DOCK8: variants seen among roughly 807,000 people sequenced by gnomAD.
DOCK8 encodes dedicator of cytokinesis protein 8.
DOCK8 carries 141 observed loss-of-function variants against 245.6 expected under a neutral mutation model. That is an observed-to-expected ratio of 0.57 (90% CI 0.50 to 0.66). The LOEUF is 0.66. Ranked by LOEUF, DOCK8 falls within the 30% of genes least tolerant of loss-of-function variation. The pLI, the probability that DOCK8 is intolerant of heterozygous loss-of-function variation, is 0.00. For missense variants in DOCK8, 2,965 were observed against 2,603.4 expected (o/e 1.14, Z -3.02); for synonymous variants, 1,168 against 970.2 (o/e 1.20, Z -3.79).
chr9:391,789 T>G (rs925047899), intron 24 of DOCK8, among the ~76,000 whole-genome samples: 2 of 151,404 alleles, frequency 1.3e-5, no homozygotes, highest in Non-Finnish European at 2.9e-5. Flanking sequence ...TTTATATTCA[T>G]TGGGTTCTTT....
intron 44 of DOCK8, among the ~76,000 whole-genome samples, chr9:447,611 T>C (rs1358742225): frequency 6.6e-6 from 1 of 152,226 alleles, no homozygotes; most frequent in African/African-American, 2.4e-5. Flanking sequence ...TTTGGCTTGG[T>C]TTTCATAGAA....
chr9:393,085 CAAAAAAAAAAAA>C (rs1159933739), intron 24 of DOCK8, among the ~76,000 whole-genome samples: 19 of 44,748 alleles, frequency 4.2e-4, no homozygotes, highest in East Asian at 3.1e-3. Context: ...GACCCTGTCT[CAAAAAAAAAAAA>C]AAAAAAAAAA....
At chr9:448,577 G>A (rs994200583) in intron 44 of DOCK8, among the ~76,000 whole-genome samples, 1 of 152,162 alleles carries the variant, frequency 6.6e-6, no homozygotes, top group Non-Finnish European at 1.5e-5. Flanking sequence ...CAGCACTGTT[G>A]GTGCCTTCTG....
At chr9:399,096 C>T (rs774772340) in intron 25 of DOCK8, 50 bp from the exon 26 acceptor site, 1 of 1,565,290 alleles carries the variant, frequency 6.4e-7, no homozygotes, top group African/African-American at 1.4e-5. Context: ...CCTGGAAGTT[C>T]AAATCCAGAG....
chr9:462,660 A>T (rs1469714697), intron 46 of DOCK8, among the ~76,000 whole-genome samples: 1 of 152,190 alleles, frequency 6.6e-6, no homozygotes, highest in African/African-American at 2.4e-5. Context: ...AGCTCCTGTG[A>T]TCATTCTAGC....
chr9:441,903 T>A lies in DOCK8; in HGVS notation c.5384T>A (p.Phe1795Tyr). The A allele has an allele frequency of 6.2e-7, 1 of 1,614,174 alleles. No individual in the cohort carries two copies. The highest frequency in any genetic ancestry group is 8.5e-7 in the Non-Finnish European group (1 of 1,180,036). ...CATAAGAGAATGTTTGGAACCTACTTCCGAGTTGGTTTCTTTGGATCCAAA... is the reference window on the plus strand; with the variant it reads ...CATAAGAGAATGTTTGGAACCTACTACCGAGTTGGTTTCTTTGGATCCAAA... ...KDHKRMFGTY[F>Y]RVGFFGSKFG... Residue 1795 changes from phenylalanine (F) to tyrosine (Y), a missense_variant, in exon 42 of 48, where the codon TTC becomes TAC. Physicochemically the swap from Phe to Tyr is conservative, Grantham distance 22 (BLOSUM62 3). Coordinates refer to ENST00000432829, the MANE Select transcript of DOCK8 (RefSeq NM_203447.4).
At chr9:248,922 T>G (rs994162471) in intron 1 of DOCK8, among the ~76,000 whole-genome samples, 2 of 152,180 alleles carry the variant, frequency 1.3e-5, no homozygotes, top group African/African-American at 4.8e-5. Flanking sequence ...TATTGTTACT[T>G]CATTCTAGGT....
chr9:407,057 C>T lies in DOCK8; in HGVS notation c.3518C>T (p.Ala1173Val). The T allele has an allele frequency of 6.2e-7, 1 of 1,614,026 alleles. No individual in the cohort carries two copies. The highest frequency in any genetic ancestry group is 8.5e-7 in the Non-Finnish European group (1 of 1,180,022). Residue 1173 changes from alanine to valine, a missense_variant, in exon 28 of 48, where the codon GCC (alanine) becomes GTC (valine). This residue lies in a region of DOCK8 where 2,825 missense variants were observed against 2,453.5 expected (regional missense o/e 1.15). Transcript: ENST00000432829. Reference protein sequence around the residue: ...LFTELAAALDAEGEGISKVQR... With the variant: ...LFTELAAALDVEGEGISKVQR... ...ACAGAACTGGCTGCTGCCCTGGATG[C>T]CGAAGGGGAAGGGTATGTTTCTGGC...
At chr9:279,030 G>C (rs1353956301) in intron 2 of DOCK8, among the ~76,000 whole-genome samples, 1 of 152,190 alleles carries the variant, frequency 6.6e-6, no homozygotes, top group Non-Finnish European at 1.5e-5. Context: ...GGACGAGGGT[G>C]GTGGCAGAAG....
intron 1 of DOCK8, 149 bp from the exon 2 acceptor site, chr9:271,478 A>G (rs966582320): frequency 6.2e-6 from 4 of 649,382 alleles, no homozygotes; most frequent in Non-Finnish European, 1.1e-5. Flanking sequence ...GATGTCCACT[A>G]ACAGGCCACT....
Position 332,266 on chromosome 9 carries a change from A to T in DOCK8, c.1045-132A>T, listed in dbSNP as rs571345252. On this transcript the variant is annotated intron_variant, in intron 9 of 47. Transcript: ENST00000432829. Reference sequence around the variant, plus strand: ...CTATTCTTTATATAAATTTTTTAATAAAAAAATATGTATCACAGATAGCTT... The same window carrying T: ...CTATTCTTTATATAAATTTTTTAATTAAAAAATATGTATCACAGATAGCTT... 40 of 638,396 alleles carry T rather than the reference A, an allele frequency of 6.3e-5. No homozygotes were observed. In the African/African-American group the frequency reaches 6.8e-4, roughly 11 times the overall value. 39.5% of individuals were successfully genotyped at this position (638,396 alleles called of 1,614,324 possible). A position where few individuals can be genotyped will look rare whatever the true frequency, so the allele number is the denominator to read the frequency against.
chr9:326,000 G>T (rs1175495513), intron 8 of DOCK8, among the ~76,000 whole-genome samples: 1 of 152,180 alleles, frequency 6.6e-6, no homozygotes, highest in Non-Finnish European at 1.5e-5. Context: ...AGCGCATGGG[G>T]TTATGTATAA....
intron 46 of DOCK8, among the ~76,000 whole-genome samples, chr9:455,315 G>A (rs963529744): frequency 1.3e-5 from 2 of 150,802 alleles, no homozygotes; most frequent in South Asian, 2.1e-4. Context: ...GCAACATGGC[G>A]AAACTCTGTC....
At chr9:400,031 T>C (rs189234986) in intron 26 of DOCK8, among the ~76,000 whole-genome samples, 19,267 of 58,008 alleles carry the variant, frequency 0.33, 3,181 homozygotes, top group East Asian at 0.58. Flanking sequence ...ACCTCCACCA[T>C]CACCACCACC....
intron 26 of DOCK8, among the ~76,000 whole-genome samples, chr9:402,372 T>G (rs894736728): frequency 6.6e-6 from 1 of 152,222 alleles, no homozygotes; most frequent in African/African-American, 2.4e-5. Context: ...TAATTACTTC[T>G]GTGATTGGGA....
upstream of DOCK8, among the ~76,000 whole-genome samples, chr9:211,471 A>G (rs1458587421): frequency 6.6e-6 from 1 of 152,172 alleles, no homozygotes; most frequent in Non-Finnish European, 1.5e-5. Context: ...TAGTGATAGA[A>G]ACAGATGAGA....
intron 9 of DOCK8, among the ~76,000 whole-genome samples, chr9:329,928 C>CT (rs2050932507): frequency 6.6e-6 from 1 of 152,316 alleles, no homozygotes; most frequent in African/African-American, 2.4e-5. Flanking sequence ...CAAGACAGCC[C>CT]CTGGTTGGCT....
chr9:363,793 G>C (rs945801931), intron 14 of DOCK8, among the ~76,000 whole-genome samples: 1 of 152,184 alleles, frequency 6.6e-6, no homozygotes, highest in African/African-American at 2.4e-5. Flanking sequence ...ACAGGGGTGA[G>C]CAACCCCTTT....
At chr9:365,120 G>A (rs1431331361) in intron 14 of DOCK8, among the ~76,000 whole-genome samples, 2 of 152,202 alleles carry the variant, frequency 1.3e-5, no homozygotes, top group Non-Finnish European at 2.9e-5. Context: ...TAGGACCCAT[G>A]ACGAAAAGTT....
Sources: gnomAD v4.1 joint callset for allele counts (sites outside exome capture counted in the v4.1 genomes callset) on GRCh38, gnomAD v4.1.1 for gene constraint, gnomAD v4.1.1 regional missense constraint, MANE v1.5 for transcripts, NCBI Gene and HGNC (gene_info 2026-07-23, HGNC 2026-07-21) for gene names.